Variants in TENM2 observed in about 807,000 individuals in gnomAD.
TENM2 encodes the protein teneurin transmembrane protein 2.
In TENM2, 52 loss-of-function variants were observed where a neutral mutation model predicts 245.2. The observed-to-expected ratio is 0.21, with a 90% CI of 0.17 to 0.27. The LOEUF (loss-of-function observed/expected upper bound fraction) is 0.27. Ranked by LOEUF, TENM2 falls within the 10% of genes least tolerant of loss-of-function variation. TENM2 has a pLI of 1.00. For missense variants in TENM2, 3,046 were observed against 3,666.8 expected (o/e 0.83, Z 4.37); for synonymous variants, 1,363 against 1,438.9 (o/e 0.95, Z 1.19).
At chr5:167,591,413 C>T (rs936475053) in intron 2 of TENM2, among the ~76,000 whole-genome samples, 1 of 152,150 alleles carries the variant, frequency 6.6e-6, no homozygotes, top group Non-Finnish European at 1.5e-5. Flanking sequence ...ATCTATTACT[C>T]AACCTAGGAA....
At chr5:168,035,226 G>A (rs547736751) in intron 5 of TENM2, among the ~76,000 whole-genome samples, 142 of 152,018 alleles carry the variant, frequency 9.3e-4, no homozygotes, top group Non-Finnish European at 1.5e-3. Flanking sequence ...TTCATAAGTG[G>A]GCCAGGTGCA....
At chr5:167,420,342 G>C (rs934503618) in intron 2 of TENM2, among the ~76,000 whole-genome samples, 1 of 152,130 alleles carries the variant, frequency 6.6e-6, no homozygotes, top group Non-Finnish European at 1.5e-5. Context: ...TGTGGACTCC[G>C]GGATGGTGGC....
intron 2 of TENM2, among the ~76,000 whole-genome samples, chr5:167,863,825 A>G (rs901593864): frequency 1.2e-4 from 18 of 152,004 alleles, no homozygotes. Flanking sequence ...ACTCTTCCTA[A>G]CTGTACGCTA....
chr5:167,295,720 C>T (rs140101720), intron 1 of TENM2, among the ~76,000 whole-genome samples: 1,827 of 152,218 alleles, frequency 0.012, 39 homozygotes, highest in Non-Finnish European at 0.013. Flanking sequence ...AGCGTGTACT[C>T]GAAATGAATA....
chr5:168,198,979 G>A (rs1274837680), exon 16 of TENM2: 1 of 1,613,942 alleles, frequency 6.2e-7, no homozygotes, highest in Non-Finnish European at 8.5e-7. Flanking sequence ...CCCTGGTGAT[G>A]AAGACCGAGG....
At chr5:167,683,426 C>G (rs1177356276) in intron 2 of TENM2, among the ~76,000 whole-genome samples, 1 of 152,158 alleles carries the variant, frequency 6.6e-6, no homozygotes, top group Admixed American at 6.5e-5. Flanking sequence ...GAATACTGTC[C>G]ATGCAAAATA....
At chr5:167,262,324 C>T in the TENM2 span, among the ~76,000 whole-genome samples, 8 of 151,174 alleles carry the variant, frequency 5.3e-5, no homozygotes, top group East Asian at 1.4e-3. Context: ...CGCCCTTACA[C>T]TCCAGCCTGG....
intron 6 of TENM2, among the ~76,000 whole-genome samples, chr5:168,048,857 A>G (rs984860024): frequency 6.6e-6 from 1 of 152,242 alleles, no homozygotes; most frequent in Non-Finnish European, 1.5e-5. Flanking sequence ...TTAAGTAAGC[A>G]TGAAAAAGTT....
At chr5:167,484,296 T>A (rs78147534) in intron 2 of TENM2, among the ~76,000 whole-genome samples, 374 of 152,258 alleles carry the variant, frequency 2.5e-3, no homozygotes, top group Middle Eastern at 0.014. Context: ...ATGGCCTCAT[T>A]TGTAGACAGA....
At chr5:167,850,602 A>C (rs148478731) in intron 2 of TENM2, among the ~76,000 whole-genome samples, 1 of 152,216 alleles carries the variant, frequency 6.6e-6, no homozygotes, top group African/African-American at 2.4e-5. Flanking sequence ...TACCCCAGAG[A>C]TGATGTAGCC....
At chr5:167,580,850 G>T (rs548653157) in intron 2 of TENM2, among the ~76,000 whole-genome samples, 1 of 152,322 alleles carries the variant, frequency 6.6e-6, no homozygotes, top group Non-Finnish European at 1.5e-5. Context: ...TTAGCCGGGC[G>T]TGGTGGCGCA....
the TENM2 span, among the ~76,000 whole-genome samples, chr5:167,161,462 G>C: frequency 1.3e-5 from 2 of 152,160 alleles, no homozygotes; most frequent in African/African-American, 2.4e-5. Context: ...AGAAAACAAG[G>C]TTAGAAAGCC....
chr5:167,652,963 T>A (rs764155959), intron 2 of TENM2, among the ~76,000 whole-genome samples: 1 of 152,214 alleles, frequency 6.6e-6, no homozygotes, highest in Non-Finnish European at 1.5e-5. Context: ...TTTCAGAGTC[T>A]AATGCAACCT....
chr5:168,198,959 G>T (rs770204553), exon 16 of TENM2: 6 of 1,614,020 alleles, frequency 3.7e-6, no homozygotes, highest in Admixed American at 1.7e-5. Context: ...CAGCTTTTAC[G>T]CCATGGACAC....
chr5:167,757,295 T>C (rs1470968716), intron 2 of TENM2, among the ~76,000 whole-genome samples: 18 of 145,228 alleles, frequency 1.2e-4, no homozygotes, highest in Admixed American at 4.1e-4. Flanking sequence ...CCTGTGTCCA[T>C]ATGTTCTCAT....
intron 1 of TENM2, among the ~76,000 whole-genome samples, chr5:167,300,015 G>T (rs181110933): frequency 6.6e-6 from 1 of 152,160 alleles, no homozygotes; most frequent in Non-Finnish European, 1.5e-5. Context: ...GCTGCTGCAC[G>T]CAGACATGAG....
chr5:167,370,988 T>C (rs1760382348), intron 1 of TENM2, among the ~76,000 whole-genome samples: 1 of 152,162 alleles, frequency 6.6e-6, no homozygotes, highest in Admixed American at 6.5e-5. Flanking sequence ...TGCAAAACAG[T>C]AAGTTGAGCT....
At chr5:167,002,729 T>G in the TENM2 span, among the ~76,000 whole-genome samples, 2 of 151,984 alleles carry the variant, frequency 1.3e-5, no homozygotes, top group African/African-American at 4.8e-5. Flanking sequence ...GCTATGATCA[T>G]GCTCCTCTAC....
rs35451881 is a variant in TENM2 at position 167,342,507 on chromosome 5, C to CTTTTT, written c.227-32664_227-32660dup. Among the ~76,000 whole-genome samples the CTTTTT allele has an allele frequency of 9.2e-3, 502 of 54,324 alleles. 70 individuals carry two copies. The highest frequency in any genetic ancestry group is 0.011 in the Non-Finnish European group (346 of 31,048). 35.6% of individuals were successfully genotyped at this position (54,324 alleles called of 152,430 possible). ...CAGGTTTCTCAACTGTAAAGTTATT[C>CTTTTT]TTTTTTTTTTTTTTTTTTTTTTTTT... is the stretch of plus-strand genomic sequence containing the variant. On this transcript the variant is annotated intron_variant, in intron 1 of 28. Transcript: ENST00000518659.
Sources: gnomAD v4.1 joint callset for allele counts (sites outside exome capture counted in the v4.1 genomes callset) on GRCh38, gnomAD v4.1.1 for gene constraint, MANE v1.5 for transcripts, NCBI Gene and HGNC (gene_info 2026-07-23, HGNC 2026-07-21) for gene names.